Variants in PIP5K1C observed in about 807,000 individuals in gnomAD.
PIP5K1C encodes the protein phosphatidylinositol 4-phosphate 5-kinase type-1 gamma.
A neutral mutation model predicts 80.1 loss-of-function variants in PIP5K1C; 45 were observed. The observed-to-expected ratio is 0.56, with a 90% CI of 0.44 to 0.72. The LOEUF (loss-of-function observed/expected upper bound fraction) is 0.72. Ranked by LOEUF, PIP5K1C falls within the 30% of genes least tolerant of loss-of-function variation. The probability of loss-of-function intolerance (pLI) is 0.00; values close to 1 mark genes in which losing one functional copy is unlikely to be tolerated. For missense variants in PIP5K1C, 753 were observed against 954.6 expected (o/e 0.79, Z 2.78); for synonymous variants, 498 against 420.1 (o/e 1.19, Z -2.27).
chr19:3,686,886 G>A (rs2035778112), intron 1 of PIP5K1C, among the ~76,000 whole-genome samples: 1 of 151,334 alleles, frequency 6.6e-6, no homozygotes, highest in Non-Finnish European at 1.5e-5. Context: ...AAAAGCATAA[G>A]CAAGCAAAGA....
Position 3,671,766 on chromosome 19 carries a change from C to T in PIP5K1C, c.95-4413G>A, listed in dbSNP as rs954692137. Reference sequence around the variant, plus strand: ...TGCCCAGGGGGTGGGGGCAGGTGAGCGCCATCTTCACTCAATCCTCGCTCC... The same window carrying T: ...TGCCCAGGGGGTGGGGGCAGGTGAGTGCCATCTTCACTCAATCCTCGCTCC... On this transcript the variant is annotated intron_variant, in intron 1 of 17. Transcript: ENST00000335312. 5.9e-5 allele frequency among the ~76,000 whole-genome samples: 9 copies of T among 152,234 alleles called. No homozygotes were observed. In the East Asian group the frequency reaches 7.7e-4, roughly 13 times the overall value.
chr19:3,669,240 G>C (rs1299738976), intron 1 of PIP5K1C, among the ~76,000 whole-genome samples: 1 of 152,212 alleles, frequency 6.6e-6, no homozygotes, highest in Admixed American at 6.5e-5. Flanking sequence ...GTGTGCAGGA[G>C]GGTGCGGCAG....
intron 10 of PIP5K1C, among the ~76,000 whole-genome samples, chr19:3,646,325 G>C (rs2034212517): frequency 6.6e-6 from 1 of 152,174 alleles, no homozygotes. Flanking sequence ...TAAACCAGCT[G>C]AATAAAGTAT....
chr19:3,660,232 T>C (rs975830862), intron 5 of PIP5K1C, among the ~76,000 whole-genome samples: 4 of 151,998 alleles, frequency 2.6e-5, no homozygotes, highest in East Asian at 1.9e-4. Context: ...TACAAAAAAT[T>C]AGCCGGGCGT....
rs1170980280 is a variant in PIP5K1C at position 3,692,486 on chromosome 19, A to G, written c.94+7811T>C. Reference sequence around the variant, plus strand: ...GGCTAAAATCTTGATTTCAAACTCAATCCCCCCTCAGCCCCACACTCAACC... The same window carrying G: ...GGCTAAAATCTTGATTTCAAACTCAGTCCCCCCTCAGCCCCACACTCAACC... On this transcript the variant is annotated intron_variant, in intron 1 of 17. Coordinates refer to ENST00000335312, the MANE Select transcript of PIP5K1C (RefSeq NM_012398.3). This position sits in a 1 kb window ranked among gnomAD's most constrained non-coding sequence, Gnocchi z 5.2. Among the ~76,000 whole-genome samples the G allele has an allele frequency of 6.6e-6, 1 of 151,940 alleles. No individual in the cohort carries two copies. The highest frequency in any genetic ancestry group is 2.4e-5 in the African/African-American group (1 of 41,346).
At chr19:3,660,916 G>A (rs760257230) in intron 5 of PIP5K1C, 50 bp downstream of exon 5, 21 of 1,459,092 alleles carry the variant, frequency 1.4e-5, no homozygotes, top group Non-Finnish European at 2.0e-5. Flanking sequence ...CCGAGACCCT[G>A]AACATGTTCT....
chr19:3,682,342 C>T (rs957438843), intron 1 of PIP5K1C, among the ~76,000 whole-genome samples: 1 of 148,606 alleles, frequency 6.7e-6, no homozygotes, highest in East Asian at 2.0e-4. Context: ...CCACTGCATT[C>T]CAGCCTGGAC....
Position 3,700,349 on chromosome 19 carries a change from C to T in PIP5K1C, c.42G>A (p.Ala14=). ...ACGCCGCCTCCGAGGGCACGGCCCC[C>T]GCCTCAGCGCTCTCCGCCTCGTCCG... ...EVPDEAESAE[A]GAVPSEAAWA... The change falls in exon 1 of 18, where the codon GCG becomes GCA. Residue 14 remains alanine (A), a synonymous_variant. Coordinates refer to ENST00000335312, the MANE Select transcript of PIP5K1C (RefSeq NM_012398.3). 1 of 1,289,980 alleles carries T rather than the reference C, an allele frequency of 7.8e-7. No individual in the cohort carries two copies. Among genetic ancestry groups the T allele is most frequent in the South Asian group, 1.5e-5 (1 of 65,898 alleles). 79.9% of individuals were successfully genotyped at this position (1,289,980 alleles called of 1,614,324 possible).
At position 3,637,281 on chromosome 19, in the gene PIP5K1C, T is replaced by TGCACCTGGTGATGGTGCTGCCCTATGGA; in HGVS notation, c.1920+1575_1920+1602dup. Reference sequence around the variant, plus strand: ...CGAAGCAGACCCTGGGCCTCAGCTGTGCACCTGGTGATGGTGCTGCCCTAT... The same window carrying TGCACCTGGTGATGGTGCTGCCCTATGGA: ...CGAAGCAGACCCTGGGCCTCAGCTGTGCACCTGGTGATGGTGCTGCCCTATGGAGCACCTGGTGATGGTGCTGCCCTAT... On this transcript the variant is annotated intron_variant, in intron 16 of 17. Coordinates refer to ENST00000335312, the MANE Select transcript of PIP5K1C (RefSeq NM_012398.3). This position sits in a 1 kb window ranked among gnomAD's most constrained non-coding sequence, Gnocchi z 7.0. 1 of 1,487,568 alleles carries TGCACCTGGTGATGGTGCTGCCCTATGGA rather than the reference T, an allele frequency of 6.7e-7. No individual in the cohort carries two copies. Among genetic ancestry groups the TGCACCTGGTGATGGTGCTGCCCTATGGA allele is most frequent in the Middle Eastern group, 1.7e-4 (1 of 5,750 alleles). The allele number at this position is 1,487,568 out of a possible 1,614,324, so 92.1% of individuals were successfully genotyped here. A position where few individuals can be genotyped will look rare whatever the true frequency, so the allele number is the denominator to read the frequency against.
At chr19:3,699,702 C>G (rs954814478) in intron 1 of PIP5K1C, among the ~76,000 whole-genome samples, 4 of 152,198 alleles carry the variant, frequency 2.6e-5, no homozygotes, top group African/African-American at 9.6e-5. Flanking sequence ...GGGCATGAGA[C>G]AGCCGTGCCC....
intron 15 of PIP5K1C, among the ~76,000 whole-genome samples, chr19:3,641,208 C>T (rs1388158489): frequency 1.3e-5 from 2 of 151,716 alleles, no homozygotes; most frequent in Non-Finnish European, 2.9e-5. Context: ...GAGCAATATC[C>T]TGTCTCACAA....
chr19:3,680,935 G>C (rs1007115678), intron 1 of PIP5K1C, among the ~76,000 whole-genome samples: 7 of 152,290 alleles, frequency 4.6e-5, no homozygotes, highest in Middle Eastern at 3.4e-3. Flanking sequence ...CATAAAGTAG[G>C]CGGAGGCCAG....
chr19:3,650,934 T>C (rs969180038), intron 8 of PIP5K1C, among the ~76,000 whole-genome samples: 1 of 152,044 alleles, frequency 6.6e-6, no homozygotes, highest in Non-Finnish European at 1.5e-5. Flanking sequence ...TATTTTGTAT[T>C]AAGCAGAGAT....
At chr19:3,667,207 T>G in intron 2 of PIP5K1C, 115 bp downstream of exon 2, 1 of 867,196 alleles carries the variant, frequency 1.2e-6, no homozygotes, top group Non-Finnish European at 1.9e-6. Context: ...CTGGACGGCA[T>G]TTGGGGCCCA....
intron 5 of PIP5K1C, among the ~76,000 whole-genome samples, chr19:3,657,442 T>C (rs201539208): frequency 1.3e-5 from 2 of 152,124 alleles, no homozygotes; most frequent in East Asian, 1.9e-4. Flanking sequence ...CTGGTCGCCA[T>C]TGGTGTACAC....
At chr19:3,658,870 T>C (rs1214385018) in intron 5 of PIP5K1C, among the ~76,000 whole-genome samples, 1 of 152,192 alleles carries the variant, frequency 6.6e-6, no homozygotes, top group Non-Finnish European at 1.5e-5. Context: ...GCAGGCCCCA[T>C]GCGTGGATTT....
At chr19:3,693,217 C>A (rs2035997252) in intron 1 of PIP5K1C, among the ~76,000 whole-genome samples, 4 of 152,188 alleles carry the variant, frequency 2.6e-5, no homozygotes, top group Admixed American at 2.6e-4. Flanking sequence ...CTCCCGGAAA[C>A]CTTCAGCAGC....
At chr19:3,640,976 C>T (rs537685802) in intron 15 of PIP5K1C, among the ~76,000 whole-genome samples, 208 of 152,218 alleles carry the variant, frequency 1.4e-3, no homozygotes, top group African/African-American at 4.4e-3. Context: ...CATGAGCCAC[C>T]GTGCCTGGCC....
In PIP5K1C at chr19:3,692,827, C is replaced by A. The variant is rs1179675709; in HGVS notation, c.94+7470G>T. 1.3e-5 allele frequency among the ~76,000 whole-genome samples: 2 copies of A among 152,070 alleles called. No individual in the cohort carries two copies. Among genetic ancestry groups the A allele is most frequent in the African/African-American group, 2.4e-5 (1 of 41,404 alleles). ...CTGCACACCCTGCCCCGTCCCCTCC[C>A]TGCCCTCCCCTCCTCACTGTTCCTC... On this transcript the variant is annotated intron_variant, in intron 1 of 17. Coordinates refer to ENST00000335312, the MANE Select transcript of PIP5K1C (RefSeq NM_012398.3). This position sits in a 1 kb window ranked among gnomAD's most constrained non-coding sequence, Gnocchi z 5.2.
Sources: gnomAD v4.1 joint callset for allele counts (sites outside exome capture counted in the v4.1 genomes callset) on GRCh38, gnomAD v4.1.1 for gene constraint, Gnocchi (gnomAD v3.1) non-coding constraint, MANE v1.5 for transcripts, NCBI Gene and HGNC (gene_info 2026-07-23, HGNC 2026-07-21) for gene names.